ZFYVE9: variants seen among roughly 807,000 people sequenced by gnomAD.
ZFYVE9 encodes zinc finger FYVE domain-containing protein 9.
ZFYVE9 carries 43 observed loss-of-function variants against 126.7 expected under a neutral mutation model. The observed-to-expected ratio is 0.34, with a 90% CI of 0.27 to 0.44. The LOEUF (loss-of-function observed/expected upper bound fraction) is 0.44. Among genes scored for constraint, ZFYVE9 ranks in the 20% least tolerant of loss-of-function variants. ZFYVE9 has a pLI of 1.00. For missense variants in ZFYVE9, 1,476 were observed against 1,697.0 expected, an observed-to-expected ratio of 0.87 and a Z score of 2.29; for synonymous variants, 521 against 597.4, an observed-to-expected ratio of 0.87 and a Z score of 1.87.
intron 2 of ZFYVE9, among the ~76,000 whole-genome samples, chr1:52,227,339 TG>T (rs1645179884): frequency 7.0e-6 from 1 of 143,246 alleles, no homozygotes; most frequent in Non-Finnish European, 1.5e-5. Flanking sequence ...TGCCTTCACT[TG>T]CCAAAATCTC....
chr1:52,302,144 A>AT (rs567113957), intron 12 of ZFYVE9, among the ~76,000 whole-genome samples: 12 of 151,542 alleles, frequency 7.9e-5, no homozygotes, highest in South Asian at 6.3e-4. Flanking sequence ...CCATGGATTG[A>AT]TTTTTTTTCC....
At position 52,238,329 on chromosome 1, in the gene ZFYVE9, A is replaced by C. The variant is rs747526135; in HGVS notation, c.912A>C (p.Leu304=). ...AAATCAGCTCTCCTAGGACAGATCT[A>C]GGGAGTCCAAATTCCTTTTCCCACA... ...TGKISSPRTD[L]GSPNSFSHMS... The change falls in exon 4 of 19, where the codon CTA becomes CTC. Residue 304 remains leucine (L), a synonymous_variant. Transcript: ENST00000287727. The C allele has an allele frequency of 6.2e-7, 1 of 1,613,594 alleles. No individual in the cohort carries two copies. The highest frequency in any genetic ancestry group is 1.7e-5 in the Admixed American group (1 of 59,982).
At chr1:52,299,259 C>T (rs1330783293) in intron 12 of ZFYVE9, among the ~76,000 whole-genome samples, 1 of 152,060 alleles carries the variant, frequency 6.6e-6, no homozygotes. Context: ...ATTTTACATG[C>T]TGATTTTGTA....
At chr1:52,266,171 C>T (rs1645630608) in intron 5 of ZFYVE9, among the ~76,000 whole-genome samples, 1 of 151,810 alleles carries the variant, frequency 6.6e-6, no homozygotes. Context: ...TGACTTGGCT[C>T]ACTGCAAGCT....
chr1:52,260,970 G>A (rs1351175468), intron 4 of ZFYVE9, among the ~76,000 whole-genome samples: 1 of 152,032 alleles, frequency 6.6e-6, no homozygotes, highest in Non-Finnish European at 1.5e-5. Context: ...TAGTTATTTG[G>A]TGGGTCCATG....
chr1:52,282,435 A>G (rs1645814063), intron 10 of ZFYVE9, among the ~76,000 whole-genome samples: 2 of 152,198 alleles, frequency 1.3e-5, no homozygotes, highest in South Asian at 4.1e-4. Context: ...TGAGGTAGAA[A>G]AACGGTGTAA....
At chr1:52,341,675 A>G (rs1401027118) in intron 17 of ZFYVE9, among the ~76,000 whole-genome samples, 2 of 152,034 alleles carry the variant, frequency 1.3e-5, no homozygotes, top group African/African-American at 4.8e-5. Context: ...TTTCCATTTC[A>G]CACAAAAGGA....
At chr1:52,248,622 A>G (rs1284320458) in intron 4 of ZFYVE9, among the ~76,000 whole-genome samples, 2 of 152,182 alleles carry the variant, frequency 1.3e-5, no homozygotes, top group African/African-American at 4.8e-5. Context: ...AAGTCTGAAT[A>G]TTTCATTGTA....
chr1:52,340,379 A>G (rs1483755225), intron 17 of ZFYVE9, 148 bp downstream of exon 17: 3 of 637,640 alleles, frequency 4.7e-6, no homozygotes, highest in Admixed American at 3.0e-5. Context: ...TCCTATCTGA[A>G]ATCACCAGGA....
rs560006893 is a variant in ZFYVE9 at position 52,280,840 on chromosome 1, A to T, written c.2870-821A>T. Among the ~76,000 whole-genome samples, 5 of 152,268 alleles carry T rather than the reference A, an allele frequency of 3.3e-5. No homozygotes were observed. The Middle Eastern group carries it at 0.01, about 311-fold the overall frequency. On this transcript the variant is annotated intron_variant, in intron 9 of 18. Coordinates refer to ENST00000287727, the MANE Select transcript of ZFYVE9 (RefSeq NM_004799.4). ...GTCATATATTAAATTTAATAAATAT[A>T]CATAAAAATATATTTCCTTTAGGTC...
chr1:52,254,109 TAGAAG>T, intron 4 of ZFYVE9: 1 of 757,806 alleles, frequency 1.3e-6, no homozygotes, highest in Non-Finnish European at 2.2e-6. Context: ...TACACACTGG[TAGAAG>T]AGAGCGCCAT....
chr1:52,293,487 C>T lies in ZFYVE9; in HGVS notation c.3060C>T (p.Phe1020=). The change falls in exon 11 of 19, where the codon TTC becomes TTT. Residue 1020 remains phenylalanine, a synonymous_variant. Transcript: ENST00000287727. ...TGAGCAACTTGGGACATTCCTTCTTCAGTCAAAGTTTCCTTGGCAGTAAAG... is the reference window on the plus strand; with the variant it reads ...TGAGCAACTTGGGACATTCCTTCTTTAGTCAAAGTTTCCTTGGCAGTAAAG... The part of the protein sequence containing the change: ...NVVSNLGHSF[F]SQSFLGSKEH... The T allele has an allele frequency of 3.1e-6, 5 of 1,612,732 alleles. No homozygotes were observed. Among genetic ancestry groups the T allele is most frequent in the South Asian group, 1.1e-5 (1 of 91,046 alleles).
At chr1:52,199,397 A>C (rs1287715959) in intron 1 of ZFYVE9, among the ~76,000 whole-genome samples, 2 of 152,116 alleles carry the variant, frequency 1.3e-5, no homozygotes, top group Admixed American at 1.3e-4. Flanking sequence ...TGTAGTTTCG[A>C]CTTTTCCAGA....
At chr1:52,163,126 T>TA (rs1262734808) in intron 1 of ZFYVE9, 5 of 220,010 alleles carry the variant, frequency 2.3e-5, no homozygotes, top group Admixed American at 1.9e-4. Context: ...AAAATAGCCT[T>TA]AAAAAAATTC....
At chr1:52,328,169 G>C (rs1332023199) in intron 13 of ZFYVE9, among the ~76,000 whole-genome samples, 1 of 152,172 alleles carries the variant, frequency 6.6e-6, no homozygotes, top group Non-Finnish European at 1.5e-5. Flanking sequence ...ATGTGACATA[G>C]AGCTGTGCTT....
chr1:52,203,626 GA>G (rs1241696508), intron 1 of ZFYVE9, among the ~76,000 whole-genome samples: 14 of 151,262 alleles, frequency 9.3e-5, no homozygotes, highest in Middle Eastern at 3.4e-3. Context: ...TAATTTGGGG[GA>G]AATTTTCAGT....
intron 18 of ZFYVE9, among the ~76,000 whole-genome samples, chr1:52,345,371 T>G (rs1208501922): frequency 6.6e-6 from 1 of 152,204 alleles, no homozygotes; most frequent in Non-Finnish European, 1.5e-5. Context: ...AGCAAGCTGC[T>G]TCTGGCCTGA....
At chr1:52,331,946 A>AT (rs1230718039) in intron 13 of ZFYVE9, among the ~76,000 whole-genome samples, 9 of 149,998 alleles carry the variant, frequency 6.0e-5, no homozygotes, top group Non-Finnish European at 8.9e-5. Flanking sequence ...GCCCAGCTAA[A>AT]TTTTTTTTTA....
chr1:52,321,286 A>T (rs1403795171), intron 13 of ZFYVE9, among the ~76,000 whole-genome samples: 1 of 152,190 alleles, frequency 6.6e-6, no homozygotes, highest in South Asian at 2.1e-4. Flanking sequence ...GATGGCGCTA[A>T]AATCTGTTTG....
Sources: gnomAD v4.1 joint callset for allele counts (sites outside exome capture counted in the v4.1 genomes callset) on GRCh38, gnomAD v4.1.1 for gene constraint, MANE v1.5 for transcripts, NCBI Gene and HGNC (gene_info 2026-07-23, HGNC 2026-07-21) for gene names.